The following DAB1 variants were observed in gnomAD, a reference collection of about 807,000 sequenced individuals.
DAB1 encodes disabled homolog 1.
A neutral mutation model predicts 64.6 loss-of-function variants in DAB1; 15 were observed. That is an observed-to-expected ratio of 0.23 (90% CI 0.16 to 0.36). The LOEUF is 0.36. Ranked by LOEUF, DAB1 falls within the 10% of genes least tolerant of loss-of-function variation. The pLI, the probability that DAB1 is intolerant of heterozygous loss-of-function variation, is 1.00. For synonymous variants in DAB1, 235 were observed against 251.9 expected (o/e 0.93, Z 0.64); for missense variants, 596 against 706.7 (o/e 0.84, Z 1.78).
chr1:57,314,147 A>G (rs1391133765), intron 1 of DAB1, among the ~76,000 whole-genome samples: 1 of 152,178 alleles, frequency 6.6e-6, no homozygotes, highest in Non-Finnish European at 1.5e-5. Flanking sequence ...TCCCTACGCA[A>G]TTTACTCACT....
chr1:57,979,928 A>C (rs1222991876), intron 5 of DAB1, among the ~76,000 whole-genome samples: 2 of 152,138 alleles, frequency 1.3e-5, no homozygotes, highest in Non-Finnish European at 2.9e-5. Context: ...TAATTCCTCT[A>C]TTTTATGAAC....
intron 7 of DAB1, among the ~76,000 whole-genome samples, chr1:57,451,316 AT>A (rs1191438772): frequency 3.9e-5 from 6 of 152,214 alleles, no homozygotes; most frequent in Admixed American, 3.9e-4. Context: ...AACCTTTAAG[AT>A]TTGAACTTAA....
intron 5 of DAB1, among the ~76,000 whole-genome samples, chr1:58,150,097 C>T (rs1462176269): frequency 6.6e-6 from 1 of 152,092 alleles, no homozygotes; most frequent in South Asian, 2.1e-4. Context: ...CAAATCACTG[C>T]AAAATAAGTG....
intron 2 of DAB1, among the ~76,000 whole-genome samples, chr1:57,152,220 G>A (rs1371280413): frequency 1.3e-5 from 2 of 152,182 alleles, no homozygotes; most frequent in Non-Finnish European, 2.9e-5. Flanking sequence ...GAGTGCCAGT[G>A]CGGTAGGGGA....
chr1:58,268,336 T>C (rs376251282), intron 4 of DAB1, among the ~76,000 whole-genome samples: 9 of 152,220 alleles, frequency 5.9e-5, no homozygotes, highest in African/African-American at 2.2e-4. Context: ...AATACAAATA[T>C]ATAGACCTTC....
intron 9 of DAB1, 43 bp downstream of exon 9, chr1:57,062,841 T>A (rs1371842185): frequency 2.6e-6 from 4 of 1,532,462 alleles, no homozygotes; most frequent in Non-Finnish European, 2.7e-6. Flanking sequence ...TCAGTGTGAA[T>A]CCAGGTCACG....
chr1:57,007,862 C>T (rs1570479609), intron 14 of DAB1, among the ~76,000 whole-genome samples: 1 of 152,296 alleles, frequency 6.6e-6, no homozygotes, highest in Non-Finnish European at 1.5e-5. Context: ...TAAGAAATTG[C>T]AGTCAGTAAA....
chr1:57,140,804 C>T (rs1658522354), intron 3 of DAB1, among the ~76,000 whole-genome samples: 1 of 152,046 alleles, frequency 6.6e-6, no homozygotes, highest in South Asian at 2.1e-4. Flanking sequence ...ACACAGGCAT[C>T]CTCAAGGGAG....
At chr1:57,855,930 G>A (rs182846167) in intron 1 of DAB1, among the ~76,000 whole-genome samples, 32 of 152,334 alleles carry the variant, frequency 2.1e-4, no homozygotes, top group Middle Eastern at 6.8e-3. Context: ...GAGGCAAGAC[G>A]CTAGCTTGAA....
At chr1:58,302,707 A>G (rs1170475048) in intron 4 of DAB1, among the ~76,000 whole-genome samples, 1 of 152,122 alleles carries the variant, frequency 6.6e-6, no homozygotes, top group Non-Finnish European at 1.5e-5. Flanking sequence ...TATAATAATA[A>G]AAGTACTTTA....
At chr1:58,328,737 C>G (rs1662900845) in intron 4 of DAB1, among the ~76,000 whole-genome samples, 1 of 152,152 alleles carries the variant, frequency 6.6e-6, no homozygotes. Flanking sequence ...TCCCAAGTAG[C>G]TGAGATTCCA....
At chr1:57,148,969 C>A (rs7539758) in intron 2 of DAB1, among the ~76,000 whole-genome samples, 6,870 of 152,262 alleles carry the variant, frequency 0.045, 501 homozygotes, top group African/African-American at 0.16. Context: ...TGTCATCCCA[C>A]AAAGAAGCCC....
intron 5 of DAB1, among the ~76,000 whole-genome samples, chr1:57,980,875 C>T (rs1646047897): frequency 1.3e-5 from 2 of 149,828 alleles, no homozygotes. Context: ...AAAAGTAACT[C>T]TCTCTCTCTC....
chr1:57,108,607 C>G (rs536594587), intron 4 of DAB1, among the ~76,000 whole-genome samples: 2 of 152,140 alleles, frequency 1.3e-5, no homozygotes, highest in African/African-American at 4.8e-5. Flanking sequence ...CTTAAGACAA[C>G]CTTCTCAATG....
intron 5 of DAB1, among the ~76,000 whole-genome samples, chr1:58,022,395 T>C (rs1646827383): frequency 6.6e-6 from 1 of 152,160 alleles, no homozygotes; most frequent in Non-Finnish European, 1.5e-5. Flanking sequence ...TGATCATTGG[T>C]CCCTATGGAA....
At chr1:58,397,339 G>T (rs1325094499) in intron 3 of DAB1, among the ~76,000 whole-genome samples, 1 of 152,234 alleles carries the variant, frequency 6.6e-6, no homozygotes, top group African/African-American at 2.4e-5. Context: ...AAGTGGGAGT[G>T]AGAGCTCCGG....
chr1:57,895,266 G>A (rs573171703), intron 5 of DAB1, among the ~76,000 whole-genome samples: 11 of 152,260 alleles, frequency 7.2e-5, no homozygotes, highest in African/African-American at 2.2e-4. Flanking sequence ...TTAATCCCCA[G>A]GTCAGACCTA....
chr1:57,155,964 C>T (rs10789044), intron 2 of DAB1, among the ~76,000 whole-genome samples: 39,731 of 151,998 alleles, frequency 0.26, 6,271 homozygotes, highest in Middle Eastern at 0.43. Flanking sequence ...CATCTGCAAA[C>T]AATGATAATT....
chr1:57,181,294 T>C (rs985717714), intron 2 of DAB1, among the ~76,000 whole-genome samples: 2 of 152,176 alleles, frequency 1.3e-5, no homozygotes, highest in East Asian at 3.8e-4. Context: ...ATGAGGACAG[T>C]GAGGCCTCGG....
Sources: allele counts gnomAD v4.1 joint callset (sites outside exome capture counted in the v4.1 genomes callset), GRCh38; gene constraint gnomAD v4.1.1; transcripts MANE v1.5; gene names NCBI Gene and HGNC (gene_info 2026-07-23, HGNC 2026-07-21).